TPD52L1: variants seen among roughly 807,000 people sequenced by gnomAD.
TPD52L1 encodes the protein tumor protein D53.
In TPD52L1, 18 loss-of-function variants were observed where a neutral mutation model predicts 28.7. The ratio of observed to expected loss-of-function variants is 0.63; its 90% CI spans 0.43 to 0.93. The LOEUF (loss-of-function observed/expected upper bound fraction) is 0.93. Ranked by LOEUF, TPD52L1 falls within the 40% of genes least tolerant of loss-of-function variation. TPD52L1 has a pLI of 0.00. For synonymous variants in TPD52L1, 75 were observed against 88.8 expected (o/e 0.84, Z 0.88); for missense variants, 203 against 254.8 (o/e 0.80, Z 1.39).
intron 1 of TPD52L1, among the ~76,000 whole-genome samples, chr6:125,181,116 T>C (rs1792168236): frequency 6.6e-6 from 1 of 152,210 alleles, no homozygotes; most frequent in Non-Finnish European, 1.5e-5. Flanking sequence ...GTGAACCCAG[T>C]AATGAATACG....
intron 1 of TPD52L1, among the ~76,000 whole-genome samples, chr6:125,184,711 T>C (rs539168350): frequency 2.0e-5 from 3 of 152,062 alleles, no homozygotes; most frequent in African/African-American, 7.2e-5. Context: ...CTTATAGAAT[T>C]GAAAACAATG....
intron 1 of TPD52L1, among the ~76,000 whole-genome samples, chr6:125,177,671 A>C (rs1791907824): frequency 6.6e-6 from 1 of 152,204 alleles, no homozygotes; most frequent in South Asian, 2.1e-4. Context: ...GACTGTTTAG[A>C]GGCTTATTTT....
intron 4 of TPD52L1, 181 bp downstream of exon 4, chr6:125,248,564 G>C: frequency 1.7e-6 from 1 of 578,854 alleles, no homozygotes; most frequent in South Asian, 2.2e-5. Flanking sequence ...TTTTCTGCCT[G>C]AAGGTCAGGC....
rs1798198203 is a variant in TPD52L1 at position 125,264,077 on chromosome 6, T to C, written c.*1115T>C. ...CAGAGTTCTGCAACCCCTTTCAGTT[T>C]GTAAATTGTTCACATGTATGAAAAT... On this transcript the variant is annotated 3_prime_UTR_variant, in exon 7 of 7. Transcript: ENST00000534000. 1 of 152,256 alleles carries C rather than the reference T, an allele frequency of 6.6e-6. No homozygotes were observed. Among genetic ancestry groups the C allele is most frequent in the Admixed American group, 6.5e-5 (1 of 15,290 alleles). The allele number at this position is 152,256 out of a possible 1,614,324, so 9.4% of individuals were successfully genotyped here.
intron 5 of TPD52L1, among the ~76,000 whole-genome samples, chr6:125,254,893 A>G (rs1023582798): frequency 3.9e-5 from 6 of 152,238 alleles, no homozygotes; most frequent in African/African-American, 1.4e-4. Flanking sequence ...CTGTTCTATT[A>G]TATTTTATGA....
chr6:125,165,349 A>G (rs1490597578), intron 1 of TPD52L1, among the ~76,000 whole-genome samples: 1 of 152,136 alleles, frequency 6.6e-6, no homozygotes, highest in Non-Finnish European at 1.5e-5. Flanking sequence ...ATTTTAATGA[A>G]TTTGAAATGG....
intron 1 of TPD52L1, 69 bp downstream of exon 1, chr6:125,154,039 C>T (rs1789949712): frequency 6.5e-7 from 1 of 1,549,640 alleles, no homozygotes; most frequent in Non-Finnish European, 8.7e-7. Context: ...TCCTGCACCA[C>T]CTAACTTCGC....
At position 125,182,030 on chromosome 6, in the gene TPD52L1, C is replaced by T. The variant is rs572343128; in HGVS notation, c.19+28060C>T. Among the ~76,000 whole-genome samples the T allele has an allele frequency of 8.5e-5, 13 of 152,290 alleles. 1 individual carries two copies. In the South Asian group the frequency reaches 2.7e-3, roughly 32 times the overall value. On this transcript the variant is annotated intron_variant, in intron 1 of 6. Coordinates refer to ENST00000534000, the MANE Select transcript of TPD52L1 (RefSeq NM_003287.4). The stretch of plus-strand genomic sequence containing the variant: ...GGACAAGGCTTCCCCTCGGATACCT[C>T]TGGCATTAGGGAGGCACAGATGTAC...
At chr6:125,260,490 T>G (rs555564815) in intron 6 of TPD52L1, 1 of 152,322 alleles carries the variant, frequency 6.6e-6, no homozygotes, top group South Asian at 2.1e-4. Context: ...CATTTCAGTG[T>G]CCATACATTA....
intron 1 of TPD52L1, among the ~76,000 whole-genome samples, chr6:125,174,548 A>G (rs1791706581): frequency 6.6e-6 from 1 of 152,214 alleles, no homozygotes; most frequent in Non-Finnish European, 1.5e-5. Context: ...TAATGAGACA[A>G]TAAATGTTTT....
At chr6:125,204,647 C>T (rs568457) in intron 1 of TPD52L1, among the ~76,000 whole-genome samples, 82,666 of 151,690 alleles carry the variant, frequency 0.54, 23,124 homozygotes, top group East Asian at 0.67. Context: ...GCCCGGGTAA[C>T]TTTTTGTATT....
chr6:125,181,096 T>A (rs1792166848), intron 1 of TPD52L1, among the ~76,000 whole-genome samples: 1 of 152,200 alleles, frequency 6.6e-6, no homozygotes. Context: ...AGGTGAAGAA[T>A]CTGATGGCAG....
chr6:125,217,907 G>T (rs1302554816), intron 1 of TPD52L1, among the ~76,000 whole-genome samples: 1 of 152,094 alleles, frequency 6.6e-6, no homozygotes, highest in East Asian at 1.9e-4. Flanking sequence ...TCCATGTGGT[G>T]TGTATAGTGA....
At chr6:125,154,360 T>G in intron 1 of TPD52L1, 2 of 1,024,478 alleles carry the variant, frequency 2.0e-6, no homozygotes, top group Non-Finnish European at 1.2e-6. Flanking sequence ...TGTGACTCTT[T>G]TCGCCCAGCG....
At chr6:125,259,279 C>T (rs1797777940) in intron 6 of TPD52L1, among the ~76,000 whole-genome samples, 1 of 152,144 alleles carries the variant, frequency 6.6e-6, no homozygotes, top group Non-Finnish European at 1.5e-5. Flanking sequence ...TATTTATGTC[C>T]TGTGAGAAAA....
intron 1 of TPD52L1, among the ~76,000 whole-genome samples, chr6:125,216,799 G>C (rs567661474): frequency 5.6e-4 from 85 of 151,988 alleles, no homozygotes; most frequent in African/African-American, 2.0e-3. Context: ...TCAGCAATAT[G>C]CCACGTTTAC....
intron 1 of TPD52L1, among the ~76,000 whole-genome samples, chr6:125,179,444 A>G (rs1023405191): frequency 6.6e-6 from 1 of 152,244 alleles, no homozygotes; most frequent in Non-Finnish European, 1.5e-5. Context: ...GAATTATAAG[A>G]ATCCCTATGT....
chr6:125,153,886 G>T lies in TPD52L1; in HGVS notation c.-66G>T, dbSNP rs1582813431. 3.2e-6 allele frequency: 5 copies of T among 1,547,756 alleles called. No individual in the cohort carries two copies. Among genetic ancestry groups the T allele is most frequent in the Middle Eastern group, 1.7e-4 (1 of 5,950 alleles). On this transcript the variant is annotated 5_prime_UTR_variant, in exon 1 of 7. Coordinates refer to ENST00000534000, the MANE Select transcript of TPD52L1 (RefSeq NM_003287.4). ...GGCCAGCTGCGTTCTGAGCCTGGGC[G>T]CAGCTGCCATCTGCTCTGGGAAGCA... is the stretch of plus-strand genomic sequence containing the variant.
chr6:125,154,580 C>T (rs894380175), intron 1 of TPD52L1: 46 of 973,918 alleles, frequency 4.7e-5, no homozygotes, highest in Non-Finnish European at 5.6e-5. Flanking sequence ...CCTCCCGTGG[C>T]GCGCGGGGCC....
Sources: gnomAD v4.1 joint callset for allele counts (sites outside exome capture counted in the v4.1 genomes callset) on GRCh38, gnomAD v4.1.1 for gene constraint, MANE v1.5 for transcripts, NCBI Gene and HGNC (gene_info 2026-07-23, HGNC 2026-07-21) for gene names.